The following MEGF10 variants were observed in gnomAD, a reference collection of about 807,000 sequenced individuals.
MEGF10 encodes the protein multiple EGF like domains 10.
Under a neutral mutation model 147.5 loss-of-function variants are expected in MEGF10, and 86 were observed. The observed-to-expected ratio is 0.58, with a 90% confidence interval of 0.49 to 0.70. MEGF10 has a LOEUF of 0.70. Among genes scored for constraint, MEGF10 ranks in the 30% least tolerant of loss-of-function variants. The probability of loss-of-function intolerance (pLI) is 0.00; values close to 1 mark genes in which losing one functional copy is unlikely to be tolerated. For missense variants in MEGF10, 1,329 were observed against 1,487.3 expected, an observed-to-expected ratio of 0.89 and a Z score of 1.75; for synonymous variants, 478 against 525.5, an observed-to-expected ratio of 0.91 and a Z score of 1.24.
At chr5:127,285,575 T>C in the MEGF10 span, among the ~76,000 whole-genome samples, 26 of 152,074 alleles carry the variant, frequency 1.7e-4, no homozygotes, top group Admixed American at 6.6e-5. Flanking sequence ...GAAGACTTGA[T>C]GAACAGTGTC....
chr5:127,253,662 G>C, the MEGF10 span, among the ~76,000 whole-genome samples: 1 of 151,968 alleles, frequency 6.6e-6, no homozygotes, highest in Non-Finnish European at 1.5e-5. Context: ...ACTAGAAACA[G>C]CCAGTTATCA....
intron 9 of MEGF10, among the ~76,000 whole-genome samples, chr5:127,415,878 C>CA (rs1764745866): frequency 1.0e-5 from 1 of 99,376 alleles, no homozygotes. Context: ...GCCTGGGCGA[C>CA]AGAGAAAGAC....
chr5:127,251,466 C>A, the MEGF10 span, among the ~76,000 whole-genome samples: 3 of 152,010 alleles, frequency 2.0e-5, no homozygotes, highest in South Asian at 6.2e-4. Context: ...ATACAGAAAG[C>A]ACTTAGAAGA....
the MEGF10 span, among the ~76,000 whole-genome samples, chr5:127,283,667 G>A: frequency 6.6e-6 from 1 of 152,134 alleles, no homozygotes; most frequent in Non-Finnish European, 1.5e-5. Context: ...GTTAAAATGC[G>A]GTCTCCACCC....
the MEGF10 span, among the ~76,000 whole-genome samples, chr5:127,278,543 T>C: frequency 6.6e-6 from 1 of 152,148 alleles, no homozygotes; most frequent in Non-Finnish European, 1.5e-5. Context: ...ATACTCTTGT[T>C]GAGAGGAGAG....
intron 7 of MEGF10, among the ~76,000 whole-genome samples, chr5:127,402,036 A>G (rs1264111398): frequency 6.6e-6 from 1 of 152,226 alleles, no homozygotes; most frequent in Non-Finnish European, 1.5e-5. Flanking sequence ...CAAAATTTCA[A>G]TCTTGTGTTA....
chr5:127,376,820 C>T (rs1763048980), intron 5 of MEGF10, among the ~76,000 whole-genome samples: 1 of 152,192 alleles, frequency 6.6e-6, no homozygotes, highest in South Asian at 2.1e-4. Flanking sequence ...ATTTAGGTGA[C>T]TTGCCTGAAT....
chr5:127,342,029 A>G (rs1289212722), intron 4 of MEGF10, among the ~76,000 whole-genome samples: 5 of 152,228 alleles, frequency 3.3e-5, no homozygotes, highest in African/African-American at 1.2e-4. Context: ...GCAGTAAATG[A>G]GAATGGCTTT....
At chr5:127,379,082 T>G (rs1561605891) in intron 5 of MEGF10, among the ~76,000 whole-genome samples, 1 of 116,396 alleles carries the variant, frequency 8.6e-6, no homozygotes, top group African/African-American at 3.5e-5. Context: ...TTTTTTTTTT[T>G]GATACTTGGT....
chr5:127,281,423 T>G, the MEGF10 span, among the ~76,000 whole-genome samples: 11 of 152,346 alleles, frequency 7.2e-5, no homozygotes, highest in East Asian at 2.1e-3. Context: ...AGGAAGCGTC[T>G]GTGGCATTTC....
At chr5:127,316,128 G>A (rs1654057907) in intron 1 of MEGF10, among the ~76,000 whole-genome samples, 1 of 152,184 alleles carries the variant, frequency 6.6e-6, no homozygotes, top group Non-Finnish European at 1.5e-5. Context: ...ATATAAGTTT[G>A]GTGCCATTGC....
chr5:127,272,642 AT>A, the MEGF10 span, among the ~76,000 whole-genome samples: 1 of 151,960 alleles, frequency 6.6e-6, no homozygotes, highest in Non-Finnish European at 1.5e-5. Context: ...GAGGTCCTTC[AT>A]TTCCCTTGTT....
chr5:127,245,823 A>G, the MEGF10 span, among the ~76,000 whole-genome samples: 2 of 152,210 alleles, frequency 1.3e-5, no homozygotes, highest in Admixed American at 1.3e-4. Flanking sequence ...TCAAAAGAAG[A>G]CATTTATGCA....
chr5:127,428,903 C>T (rs1206476399), intron 13 of MEGF10, among the ~76,000 whole-genome samples: 1 of 152,226 alleles, frequency 6.6e-6, no homozygotes, highest in Non-Finnish European at 1.5e-5. Context: ...ATGCATCAGG[C>T]ATTAATTGCA....
At chr5:127,394,615 A>G (rs988959909) in intron 5 of MEGF10, among the ~76,000 whole-genome samples, 2 of 152,132 alleles carry the variant, frequency 1.3e-5, no homozygotes, top group African/African-American at 2.4e-5. Flanking sequence ...TAATTTTCTT[A>G]AAGATTTTTT....
At chr5:127,263,839 T>C in the MEGF10 span, among the ~76,000 whole-genome samples, 1 of 152,172 alleles carries the variant, frequency 6.6e-6, no homozygotes, top group African/African-American at 2.4e-5. Context: ...GTGACAATGA[T>C]GGAGATTCCA....
intron 1 of MEGF10, among the ~76,000 whole-genome samples, chr5:127,309,407 A>G (rs921430828): frequency 7.9e-5 from 12 of 152,200 alleles, no homozygotes; most frequent in Non-Finnish European, 4.4e-5. Flanking sequence ...TCATGATCCC[A>G]AATTGAAACT....
intron 1 of MEGF10, among the ~76,000 whole-genome samples, chr5:127,320,740 C>T (rs1580709096): frequency 6.6e-6 from 1 of 152,276 alleles, no homozygotes; most frequent in Non-Finnish European, 1.5e-5. Context: ...TCTTCAAAGC[C>T]TTTGACAATG....
chr5:127,418,730 T>A (rs1221240379), intron 10 of MEGF10, among the ~76,000 whole-genome samples: 1 of 152,248 alleles, frequency 6.6e-6, no homozygotes, highest in Admixed American at 6.5e-5. Flanking sequence ...TAGGAAGGGT[T>A]GAGATCTAAT....
Sources: allele counts gnomAD v4.1 joint callset (sites outside exome capture counted in the v4.1 genomes callset), GRCh38; gene constraint gnomAD v4.1.1; transcripts MANE v1.5; gene names NCBI Gene and HGNC (gene_info 2026-07-23, HGNC 2026-07-21).